MTA3: variants seen among roughly 807,000 people sequenced by gnomAD.
MTA3 encodes the protein metastasis associated 1 family member 3.
A neutral mutation model predicts 83.5 loss-of-function variants in MTA3; 34 were observed. That is an observed-to-expected ratio of 0.41 (90% CI 0.31 to 0.54). The LOEUF (loss-of-function observed/expected upper bound fraction) is 0.54. Among genes scored for constraint, MTA3 ranks in the 20% least tolerant of loss-of-function variants. The probability of loss-of-function intolerance (pLI) is 0.33; values close to 1 mark genes in which losing one functional copy is unlikely to be tolerated. For missense variants in MTA3, 761 were observed against 726.4 expected, an observed-to-expected ratio of 1.05 and a Z score of -0.55; for synonymous variants, 303 against 252.7, an observed-to-expected ratio of 1.20 and a Z score of -1.89.
At chr2:42,626,303 T>TA (rs1686085813) in intron 4 of MTA3, among the ~76,000 whole-genome samples, 1 of 150,082 alleles carries the variant, frequency 6.7e-6, no homozygotes, top group Admixed American at 6.7e-5. Flanking sequence ...TCCATTTTTT[T>TA]AAAATTTTTT....
chr2:42,650,430 GGGTTTTTTTGTTTTTTT>G (rs747672104), intron 6 of MTA3, among the ~76,000 whole-genome samples: 49 of 151,710 alleles, frequency 3.2e-4, no homozygotes, highest in Non-Finnish European at 1.5e-4. Flanking sequence ...TGTTTGTTTG[GGGTTTTTTTGTTTTTTT>G]GGTTTTTTTT....
chr2:42,754,743 T>C lies in MTA3; in HGVS notation c.*1344T>C. The C allele has an allele frequency of 1.0e-6, 1 of 985,558 alleles. No individual in the cohort carries two copies. Among genetic ancestry groups the C allele is most frequent in the Non-Finnish European group, 1.2e-6 (1 of 829,992 alleles). 61.1% of individuals were successfully genotyped at this position (985,558 alleles called of 1,614,324 possible). On this transcript the variant is annotated 3_prime_UTR_variant, in exon 17 of 17. Transcript: ENST00000405094. ...ATACGAGAGGCCCAAATAGCCAAGC[T>C]GTTGCAAGACAGAGTGGCTACAATT...
chr2:42,596,573 T>C (rs889388523), intron 3 of MTA3, among the ~76,000 whole-genome samples: 3 of 152,238 alleles, frequency 2.0e-5, no homozygotes, highest in African/African-American at 4.8e-5. Context: ...CATTTTCTTA[T>C]TGATCTGGTC....
chr2:42,710,544 C>A (rs1174837669), intron 14 of MTA3, among the ~76,000 whole-genome samples: 61 of 90,280 alleles, frequency 6.8e-4, no homozygotes, highest in Admixed American at 4.7e-4. Context: ...AGCGAAACTT[C>A]ATCTCAAAAA....
In MTA3 at chr2:42,730,332, G is replaced by C. The variant is rs563980034; in HGVS notation, c.1759+7297G>C. Among the ~76,000 whole-genome samples the C allele has an allele frequency of 1.2e-4, 19 of 152,286 alleles. No individual in the cohort carries two copies. The South Asian group carries it at 1.4e-3, about 12-fold the overall frequency. ...AAGGCTTTCAGCTTTTCCCTGTTCA[G>C]TATGATACTAGCTATGGATCTGTTA... On this transcript the variant is annotated intron_variant, in intron 16 of 16. Transcript: ENST00000405094.
intron 13 of MTA3, 51 bp downstream of exon 13, chr2:42,708,105 A>T: frequency 6.5e-7 from 1 of 1,545,498 alleles, no homozygotes; most frequent in Non-Finnish European, 8.7e-7. Flanking sequence ...AAATGGGTTG[A>T]TTATTCCTTG....
At chr2:42,598,803 T>C (rs1045833857) in intron 3 of MTA3, among the ~76,000 whole-genome samples, 9 of 152,268 alleles carry the variant, frequency 5.9e-5, no homozygotes, top group Admixed American at 2.6e-4. Flanking sequence ...CCCCTACAAA[T>C]CATAAGACAT....
intron 16 of MTA3, among the ~76,000 whole-genome samples, chr2:42,735,074 C>A (rs563139027): frequency 2.0e-5 from 3 of 152,080 alleles, no homozygotes; most frequent in African/African-American, 7.2e-5. Flanking sequence ...ACCTTCAGAT[C>A]ATTTCTTATT....
At chr2:42,564,090 G>T (rs1188544981), upstream of MTA3, among the ~76,000 whole-genome samples, 1 of 152,144 alleles carries the variant, frequency 6.6e-6, no homozygotes, top group Non-Finnish European at 1.5e-5. Flanking sequence ...CAAAGTGCTG[G>T]GATTACAGGT....
At chr2:42,508,776 ATT>A (rs1674758911) in intron 2 of MTA3, among the ~76,000 whole-genome samples, 1 of 147,214 alleles carries the variant, frequency 6.8e-6, no homozygotes, top group Non-Finnish European at 1.5e-5. Context: ...TATATAATAT[ATT>A]TAATATATCA....
chr2:42,643,776 T>G (rs555030185), intron 5 of MTA3, among the ~76,000 whole-genome samples: 1 of 152,234 alleles, frequency 6.6e-6, no homozygotes, highest in South Asian at 2.1e-4. Flanking sequence ...TTCAGAAGTT[T>G]ATAAGATGAT....
chr2:42,495,330 C>G (rs572014539), intron 2 of MTA3: 12 of 152,104 alleles, frequency 7.9e-5, no homozygotes, highest in African/African-American at 2.7e-4. Context: ...TTGTTTATCC[C>G]CAGACTTGGA....
Position 42,670,744 on chromosome 2 carries a change from C to CTATATATA in MTA3, c.702+10895_702+10902dup, listed in dbSNP as rs34128430. ...TAATGGCCTTCCATAAACTCTAACA[C>CTATATATA]TATATATATATATATATATAGTTCT... is the stretch of plus-strand genomic sequence containing the variant. On this transcript the variant is annotated intron_variant, in intron 8 of 16. Transcript: ENST00000405094. Among the ~76,000 whole-genome samples the CTATATATA allele has an allele frequency of 1.8e-4, 26 of 146,060 alleles. No individual in the cohort carries two copies. In the East Asian group the frequency reaches 1.8e-3, roughly 10 times the overall value.
intron 3 of MTA3, among the ~76,000 whole-genome samples, chr2:42,587,286 C>G (rs779504759): frequency 6.6e-6 from 1 of 151,940 alleles, no homozygotes; most frequent in South Asian, 2.1e-4. Flanking sequence ...CACTCCAGCC[C>G]GTGTGACAGA....
chr2:42,506,130 A>T (rs1185125838), intron 2 of MTA3, among the ~76,000 whole-genome samples: 2 of 152,054 alleles, frequency 1.3e-5, no homozygotes, highest in African/African-American at 4.8e-5. Context: ...CCACTTTTAT[A>T]TGTATTTGAA....
chr2:42,732,626 C>T (rs1668311204), intron 16 of MTA3, among the ~76,000 whole-genome samples: 3 of 152,192 alleles, frequency 2.0e-5, no homozygotes, highest in Admixed American at 1.3e-4. Flanking sequence ...ATTTCTACAG[C>T]CAGCATTAAT....
intron 8 of MTA3, among the ~76,000 whole-genome samples, chr2:42,673,928 A>G (rs1162445170): frequency 1.3e-5 from 2 of 152,248 alleles, no homozygotes; most frequent in Non-Finnish European, 2.9e-5. Flanking sequence ...TTAGTCTCAA[A>G]GAGGAAAACA....
intron 3 of MTA3, among the ~76,000 whole-genome samples, chr2:42,589,897 C>A (rs576827130): frequency 6.6e-6 from 1 of 152,266 alleles, no homozygotes; most frequent in South Asian, 2.1e-4. Context: ...GAGGTTTTTA[C>A]TCCCCATGTT....
chr2:42,542,859 T>C lies in MTA3; in HGVS notation c.-140-27578T>C, dbSNP rs139788080. Among the ~76,000 whole-genome samples, 1,193 of 152,030 alleles carry C rather than the reference T, an allele frequency of 7.8e-3. 4 individuals carry two copies. The highest frequency in any genetic ancestry group is 0.013 in the Non-Finnish European group (889 of 67,956). On this transcript the variant is annotated intron_variant, in intron 2 of 17. Coordinates refer to the MTA3 transcript ENST00000405592. ...GGCGTGACCCACTGCACCCAGCCCA[T>C]AATCTTCAAATAAAGACAATAATAA...
Sources: allele counts gnomAD v4.1 joint callset (sites outside exome capture counted in the v4.1 genomes callset), GRCh38; gene constraint gnomAD v4.1.1; transcripts MANE v1.5; gene names NCBI Gene and HGNC (gene_info 2026-07-23, HGNC 2026-07-21).